Variants in SAMD5 observed in about 807,000 individuals in gnomAD.
The protein encoded by SAMD5 is sterile alpha motif domain containing 5.
SAMD5 carries 13 observed loss-of-function variants against 11.3 expected under a neutral mutation model. That is an observed-to-expected ratio of 1.15 (90% confidence interval 0.75 to 1.83). SAMD5 has a LOEUF of 1.83. SAMD5 is among the 40% of genes most tolerant of loss of function. The pLI is 0.00. For missense variants in SAMD5, 255 were observed against 239.1 expected, an observed-to-expected ratio of 1.07 and a Z score of -0.44; for synonymous variants, 129 against 111.3, an observed-to-expected ratio of 1.16 and a Z score of -1.00.
At chr6:147,564,123 C>T (rs1289891180) in intron 1 of SAMD5, among the ~76,000 whole-genome samples, 3 of 151,994 alleles carry the variant, frequency 2.0e-5, no homozygotes, top group South Asian at 2.1e-4. Context: ...TAAGTTTCCA[C>T]CTCTTAGAAG....
In SAMD5 at chr6:147,565,895, C is replaced by G. The variant is rs1357389319; in HGVS notation, c.*1439C>G. The G allele has an allele frequency of 4.2e-5, 41 of 985,180 alleles. No homozygotes were observed. Among genetic ancestry groups the G allele is most frequent in the Non-Finnish European group, 4.7e-5 (39 of 829,876 alleles). The allele number at this position is 985,180 out of a possible 1,614,324, so 61.0% of individuals were successfully genotyped here. On this transcript the variant is annotated 3_prime_UTR_variant, in exon 2 of 2. Coordinates refer to ENST00000367474, the MANE Select transcript of SAMD5 (RefSeq NM_001030060.3). ...GAGGCTGTCAATTGTTTAGAGCTCC[C>G]AAGTAGTACTGCATTACGGAATCTA...
chr6:147,693,838 G>A (rs191807408), intron 1 of SAMD5, among the ~76,000 whole-genome samples: 1 of 152,138 alleles, frequency 6.6e-6, no homozygotes, highest in Non-Finnish European at 1.5e-5. Flanking sequence ...GCGTGGTGGC[G>A]GGCATCTGTA....
At chr6:147,816,876 A>G in the SAMD5 span, among the ~76,000 whole-genome samples, 3 of 152,168 alleles carry the variant, frequency 2.0e-5, no homozygotes, top group African/African-American at 7.2e-5. Context: ...GCTGATATCA[A>G]GCTATAAAAG....
the SAMD5 span, among the ~76,000 whole-genome samples, chr6:147,905,305 C>T: frequency 9.9e-5 from 15 of 152,176 alleles, no homozygotes; most frequent in Admixed American, 3.3e-4. Flanking sequence ...CCTCAGCCTC[C>T]GGAGCAGCTG....
chr6:147,516,025 C>G (rs1013154268), intron 1 of SAMD5, among the ~76,000 whole-genome samples: 1 of 152,080 alleles, frequency 6.6e-6, no homozygotes, highest in Non-Finnish European at 1.5e-5. Flanking sequence ...GAGATGACAC[C>G]AAGGACACAA....
chr6:147,571,561 T>TATTTGTA (rs1789139242), downstream of SAMD5, among the ~76,000 whole-genome samples: 3 of 151,266 alleles, frequency 2.0e-5, no homozygotes, highest in African/African-American at 7.3e-5. Context: ...TTTGACTAAC[T>TATTTGTA]CGTCTATTTT....
At chr6:147,532,029 T>C (rs1025283409) in intron 1 of SAMD5, among the ~76,000 whole-genome samples, 2 of 152,188 alleles carry the variant, frequency 1.3e-5, no homozygotes, top group Non-Finnish European at 2.9e-5. Flanking sequence ...AAACTAACTA[T>C]AACGTAGACA....
intron 1 of SAMD5, among the ~76,000 whole-genome samples, chr6:147,590,830 G>T (rs2128447179): frequency 6.6e-6 from 1 of 152,278 alleles, no homozygotes; most frequent in African/African-American, 2.4e-5. Context: ...AAATCTAATG[G>T]TTACCTACTG....
the SAMD5 span, among the ~76,000 whole-genome samples, chr6:147,951,731 T>C: frequency 1.3e-5 from 2 of 152,188 alleles, no homozygotes; most frequent in East Asian, 1.9e-4. Context: ...ATTTGATTGA[T>C]TGGCCAAAGG....
chr6:147,566,910 T>C lies in SAMD5; in HGVS notation c.*2454T>C. The C allele has an allele frequency of 1.1e-6, 1 of 937,584 alleles. No homozygotes were observed. The highest frequency in any genetic ancestry group is 1.8e-5 in the African/African-American group (1 of 56,100). 58.1% of individuals were successfully genotyped at this position (937,584 alleles called of 1,614,324 possible). ...AGTTAGTCTTAGAAGGAGTAATTTT[T>C]TCAGCGTTTTTCCTCTGTATCTAAA... On this transcript the variant is annotated 3_prime_UTR_variant, in exon 2 of 2. Coordinates refer to ENST00000367474, the MANE Select transcript of SAMD5 (RefSeq NM_001030060.3).
chr6:147,833,302 C>A, the SAMD5 span, among the ~76,000 whole-genome samples: 1 of 152,110 alleles, frequency 6.6e-6, no homozygotes, highest in Admixed American at 6.6e-5. Flanking sequence ...CAGCAAATCT[C>A]AAAAATATGC....
At chr6:147,710,958 A>T (rs1791389611) in intron 1 of SAMD5, among the ~76,000 whole-genome samples, 1 of 147,502 alleles carries the variant, frequency 6.8e-6, no homozygotes, top group African/African-American at 2.5e-5. Context: ...AATATGTGTG[A>T]TGAAGGAAGG....
chr6:147,651,632 T>C (rs549912862), intron 1 of SAMD5, among the ~76,000 whole-genome samples: 26 of 152,302 alleles, frequency 1.7e-4, no homozygotes, highest in African/African-American at 6.3e-4. Flanking sequence ...AACCCAACCA[T>C]GCTGGCACCC....
intron 1 of SAMD5, among the ~76,000 whole-genome samples, chr6:147,727,556 T>C (rs1791646469): frequency 6.6e-6 from 1 of 152,192 alleles, no homozygotes; most frequent in South Asian, 2.1e-4. Flanking sequence ...AGCCAATGAA[T>C]GTGGAGAGTA....
chr6:147,899,399 G>A, the SAMD5 span, among the ~76,000 whole-genome samples: 3 of 152,058 alleles, frequency 2.0e-5, no homozygotes, highest in African/African-American at 7.2e-5. Context: ...AACAGCTCAG[G>A]CCCACAGTGT....
At chr6:147,658,762 G>A (rs1357388887) in intron 1 of SAMD5, among the ~76,000 whole-genome samples, 2 of 152,070 alleles carry the variant, frequency 1.3e-5, no homozygotes, top group African/African-American at 4.8e-5. Context: ...TGGGGATTAT[G>A]TTTATTTTGT....
chr6:147,628,926 A>T (rs756079474), intron 1 of SAMD5, among the ~76,000 whole-genome samples: 16 of 152,182 alleles, frequency 1.1e-4, no homozygotes, highest in Non-Finnish European at 2.2e-4. Context: ...GGAATGTCAC[A>T]GATCTTTATC....
chr6:147,528,066 C>T (rs1045626146), intron 1 of SAMD5, among the ~76,000 whole-genome samples: 1 of 152,102 alleles, frequency 6.6e-6, no homozygotes, highest in Non-Finnish European at 1.5e-5. Flanking sequence ...GCTGCTACAC[C>T]ATTCATGATG....
chr6:147,933,618 A>T, the SAMD5 span, among the ~76,000 whole-genome samples: 1 of 151,760 alleles, frequency 6.6e-6, no homozygotes, highest in Non-Finnish European at 1.5e-5. Flanking sequence ...GTGTTGTTTT[A>T]GAGGTCCCTT....
Sources: gnomAD v4.1 joint callset for allele counts (sites outside exome capture counted in the v4.1 genomes callset) on GRCh38, gnomAD v4.1.1 for gene constraint, MANE v1.5 for transcripts, NCBI Gene and HGNC (gene_info 2026-07-23, HGNC 2026-07-21) for gene names.